Variants in E2F5 observed in about 807,000 individuals in gnomAD.
E2F5 encodes the protein E2F transcription factor 5.
Under a neutral mutation model 39.1 loss-of-function variants are expected in E2F5, and 23 were observed. That is an observed-to-expected ratio of 0.59 (90% CI 0.42 to 0.83). The LOEUF (loss-of-function observed/expected upper bound fraction) is 0.83. E2F5 is among the 40% of genes least tolerant of loss of function. E2F5 has a pLI of 0.00. For missense variants in E2F5, 365 were observed against 406.7 expected (o/e 0.90, Z 0.88); for synonymous variants, 145 against 157.8 (o/e 0.92, Z 0.61).
intron 1 of E2F5, among the ~76,000 whole-genome samples, chr8:85,183,700 A>C (rs4150853): frequency 0.041 from 6,201 of 152,304 alleles, 404 homozygotes; most frequent in African/African-American, 0.14. Context: ...GGAGTAGTCA[A>C]ATTCACAGGG....
chr8:85,186,537 T>C (rs1812338209), intron 1 of E2F5, among the ~76,000 whole-genome samples: 1 of 149,894 alleles, frequency 6.7e-6, no homozygotes, highest in South Asian at 2.1e-4. Flanking sequence ...GTACGGTATA[T>C]ATATATATGG....
chr8:85,206,353 C>T (rs1467033090), intron 4 of E2F5, 133 bp downstream of exon 4: 17 of 824,474 alleles, frequency 2.1e-5, no homozygotes, highest in Admixed American at 5.0e-5. Context: ...TCCACCATGC[C>T]GTGTATTGAT....
intron 1 of E2F5, among the ~76,000 whole-genome samples, chr8:85,198,848 C>T (rs191177799): frequency 1.3e-5 from 2 of 152,200 alleles, no homozygotes; most frequent in Admixed American, 6.5e-5. Flanking sequence ...CCTAAGCACA[C>T]ACTCTCGTGT....
At chr8:85,201,815 G>A (rs1271174537) in intron 1 of E2F5, 2 of 278,854 alleles carry the variant, frequency 7.2e-6, no homozygotes, top group Non-Finnish European at 1.3e-5. Context: ...AAGATAGGAG[G>A]TGACATGGAT....
chr8:85,211,654 T>G (rs935811617), intron 6 of E2F5, among the ~76,000 whole-genome samples: 19 of 137,484 alleles, frequency 1.4e-4, no homozygotes, highest in Non-Finnish European at 2.7e-4. Flanking sequence ...TTTTTTTTTT[T>G]TTTTTTTTTT....
At chr8:85,198,154 C>T (rs1023916423) in intron 1 of E2F5, among the ~76,000 whole-genome samples, 1 of 152,184 alleles carries the variant, frequency 6.6e-6, no homozygotes. Flanking sequence ...TGCTGGACTT[C>T]AGTTATTAAT....
intron 3 of E2F5, among the ~76,000 whole-genome samples, chr8:85,205,753 G>A (rs188319225): frequency 7.9e-5 from 12 of 152,230 alleles, no homozygotes; most frequent in Non-Finnish European, 5.9e-5. Flanking sequence ...TTGTTTTTCT[G>A]AGCCTTTCTT....
At chr8:85,206,257 T>C (rs765151735) in intron 4 of E2F5, 37 bp downstream of exon 4, 13 of 1,592,160 alleles carry the variant, frequency 8.2e-6, no homozygotes, top group Non-Finnish European at 8.6e-7. Flanking sequence ...ATTCTTCCTC[T>C]CAACCTATTT....
intron 7 of E2F5, 144 bp downstream of exon 7, chr8:85,212,348 CAGTA>C (rs1408429948): frequency 3.6e-5 from 22 of 614,354 alleles, no homozygotes; most frequent in East Asian, 2.7e-4. Flanking sequence ...TTAACACTTA[CAGTA>C]AGTAATAGGC....
intron 1 of E2F5, chr8:85,187,786 A>G (rs1263961379): frequency 1.3e-5 from 2 of 152,206 alleles, no homozygotes; most frequent in Non-Finnish European, 2.9e-5. Flanking sequence ...GTTCAGGGTT[A>G]TCATTCATAG....
At chr8:85,209,547 C>T in intron 6 of E2F5, 138 bp downstream of exon 6, 1 of 1,077,398 alleles carries the variant, frequency 9.3e-7, no homozygotes, top group Non-Finnish European at 1.3e-6. Context: ...TACATAATAA[C>T]ATATCTTGGG....
intron 1 of E2F5, among the ~76,000 whole-genome samples, chr8:85,185,716 C>A (rs1812317117): frequency 6.6e-6 from 1 of 152,208 alleles, no homozygotes; most frequent in Non-Finnish European, 1.5e-5. Context: ...ACAGACACTT[C>A]TCAAAAGAAG....
At chr8:85,184,213 T>C (rs1812278447) in intron 1 of E2F5, among the ~76,000 whole-genome samples, 1 of 152,158 alleles carries the variant, frequency 6.6e-6, no homozygotes, top group African/African-American at 2.4e-5. Flanking sequence ...GCAAGGCTGG[T>C]TCAACATACG....
chr8:85,197,130 C>T lies in E2F5; in HGVS notation c.235-5017C>T, dbSNP rs537959123. Reference sequence around the variant, plus strand: ...TTCTGGCCTGCTTCATCATAGTGTTCGTTTCTGAATCACAGTAGCTAAACT... The same window carrying T: ...TTCTGGCCTGCTTCATCATAGTGTTTGTTTCTGAATCACAGTAGCTAAACT... On this transcript the variant is annotated intron_variant, in intron 1 of 7. Transcript: ENST00000416274. Among the ~76,000 whole-genome samples the T allele has an allele frequency of 4.6e-5, 7 of 152,232 alleles. No homozygotes were observed. In the East Asian group the frequency reaches 1.2e-3, roughly 25 times the overall value.
At position 85,188,736 on chromosome 8, in the gene E2F5, G is replaced by T. The variant is rs1047314477; in HGVS notation, c.234+11082G>T. Among the ~76,000 whole-genome samples, 4 of 152,266 alleles carry T rather than the reference G, an allele frequency of 2.6e-5. No homozygotes were observed. The South Asian group carries it at 6.2e-4, about 24-fold the overall frequency. On this transcript the variant is annotated intron_variant, in intron 1 of 7. Transcript: ENST00000416274. ...CTGGATCTAGAGCTTCAGTCTATGC[G>T]CACTAGCCTGGAACATGGGGTTGTG...
At chr8:85,187,616 C>G (rs560752226) in intron 1 of E2F5, 2 of 152,042 alleles carry the variant, frequency 1.3e-5, no homozygotes, top group Non-Finnish European at 2.9e-5. Flanking sequence ...CTTCTGCTTT[C>G]TTTTGGTTTC....
rs1442701098 is a variant in E2F5 at position 85,198,910 on chromosome 8, C to A, written c.235-3237C>A. The stretch of plus-strand genomic sequence containing the variant: ...ATGTCAGAAGGTTCAAGGCCAGTTT[C>A]TTTATTTCCAGTGCTCCAAACTGGT... On this transcript the variant is annotated intron_variant, in intron 1 of 7. Coordinates refer to ENST00000416274, the MANE Select transcript of E2F5 (RefSeq NM_001951.4). Among the ~76,000 whole-genome samples the A allele has an allele frequency of 1.3e-5, 2 of 152,182 alleles. 1 individual carries two copies. Among genetic ancestry groups the A allele is most frequent in the South Asian group, 4.1e-4 (2 of 4,830 alleles).
intron 7 of E2F5, 197 bp downstream of exon 7, chr8:85,212,401 G>A: frequency 1.9e-6 from 1 of 527,878 alleles, no homozygotes; most frequent in Non-Finnish European, 3.4e-6. Context: ...GCATTTTGAG[G>A]GAAAGGAATC....
Position 85,206,036 on chromosome 8 carries a change from GACTTC to G in E2F5, c.507-140_507-136del. The G allele has an allele frequency of 1.5e-5, 11 of 726,194 alleles. No homozygotes were observed. The South Asian group carries it at 1.8e-4, about 12-fold the overall frequency. 45.0% of individuals were successfully genotyped at this position (726,194 alleles called of 1,614,324 possible). On this transcript the variant is annotated intron_variant, in intron 3 of 7. Coordinates refer to ENST00000416274, the MANE Select transcript of E2F5 (RefSeq NM_001951.4). ...CCTTTGTCTTTACCTTTCTAGACTA[GACTTC>G]TTTTTTTGTCTGTCCATGTGTGGCA...
Sources: gnomAD v4.1 joint callset for allele counts (sites outside exome capture counted in the v4.1 genomes callset) on GRCh38, gnomAD v4.1.1 for gene constraint, MANE v1.5 for transcripts, NCBI Gene and HGNC (gene_info 2026-07-23, HGNC 2026-07-21) for gene names.